ZC3H12B: variants seen among roughly 807,000 people sequenced by gnomAD.
The protein encoded by ZC3H12B is zinc finger CCCH-type containing 12B, also known as probable ribonuclease ZC3H12B.
Under a neutral mutation model 43.9 loss-of-function variants are expected in ZC3H12B, and 7 were observed. The ratio of observed to expected loss-of-function variants is 0.16; its 90% CI spans 0.09 to 0.30. The LOEUF (loss-of-function observed/expected upper bound fraction) is 0.30. ZC3H12B is among the 10% of genes least tolerant of loss of function. ZC3H12B has a pLI of 1.00. For missense variants in ZC3H12B, 475 were observed against 670.2 expected, an observed-to-expected ratio of 0.71 and a Z score of 3.22; for synonymous variants, 222 against 241.7, an observed-to-expected ratio of 0.92 and a Z score of 0.76.
chrX:65,112,210 CCTAA>C, the ZC3H12B span, among the ~76,000 whole-genome samples: 3 of 111,617 alleles, frequency 2.7e-5, no homozygotes, highest in African/African-American at 9.8e-5. Context: ...AGAGCAAGGC[CCTAA>C]CTGTCTTCAA....
At chrX:65,207,653 A>G in the ZC3H12B span, among the ~76,000 whole-genome samples, 24,086 of 103,399 alleles carry the variant, frequency 0.23, 7,523 homozygotes, top group African/African-American at 0.82. Context: ...TTGACTTGGC[A>G]ATGCGGGCTC....
At chrX:65,167,601 G>A in the ZC3H12B span, among the ~76,000 whole-genome samples, 2 of 111,660 alleles carry the variant, frequency 1.8e-5, no homozygotes, top group South Asian at 3.7e-4. Flanking sequence ...TAGCTTTATG[G>A]GGATTGCATT....
At chrX:65,186,210 G>T in the ZC3H12B span, 1 of 111,225 alleles carries the variant, frequency 9.0e-6, no homozygotes, top group African/African-American at 3.3e-5. Context: ...AAAGTAGCAG[G>T]TGCTGGGTGC....
chrX:65,163,280 A>G, the ZC3H12B span, among the ~76,000 whole-genome samples: 1 of 111,169 alleles, frequency 9.0e-6, no homozygotes, highest in East Asian at 2.9e-4. Flanking sequence ...GTGATGGGAG[A>G]ACCACTGCTG....
At chrX:65,261,038 C>T in the ZC3H12B span, among the ~76,000 whole-genome samples, 1 of 111,763 alleles carries the variant, frequency 8.9e-6, no homozygotes, top group Non-Finnish European at 1.9e-5. Context: ...CCTTTTCTTA[C>T]AAGAATGATT....
the ZC3H12B span, among the ~76,000 whole-genome samples, chrX:65,057,702 C>T: frequency 4.6e-3 from 517 of 111,910 alleles, 1 homozygote; most frequent in Middle Eastern, 0.023. Context: ...CTATTCTCCC[C>T]GTCACTTTCA....
At chrX:65,216,591 G>A in the ZC3H12B span, among the ~76,000 whole-genome samples, 2 of 111,553 alleles carry the variant, frequency 1.8e-5, no homozygotes, top group East Asian at 2.8e-4. Context: ...GGTCTCTGAG[G>A]CAGTGGGCTT....
the ZC3H12B span, among the ~76,000 whole-genome samples, chrX:65,285,438 AG>A: frequency 9.0e-6 from 1 of 110,851 alleles, no homozygotes; most frequent in Non-Finnish European, 1.9e-5. Context: ...CTAAAGTAAA[AG>A]TTTAAAAAGA....
At chrX:65,159,307 A>G in the ZC3H12B span, among the ~76,000 whole-genome samples, 59 of 111,913 alleles carry the variant, frequency 5.3e-4, no homozygotes, top group African/African-American at 1.8e-3. Flanking sequence ...CTGTGAAGAA[A>G]GTCATTGGTA....
chrX:65,346,727 A>T, the ZC3H12B span, among the ~76,000 whole-genome samples: 1 of 112,399 alleles, frequency 8.9e-6, no homozygotes, highest in African/African-American at 3.2e-5. Context: ...GCAGCTCAGC[A>T]AGGCTGCTGT....
intron 3 of ZC3H12B, among the ~76,000 whole-genome samples, chrX:65,461,456 T>C (rs902090688): frequency 4.5e-5 from 5 of 112,310 alleles, no homozygotes; most frequent in African/African-American, 1.3e-4. Context: ...CCAACCCAAA[T>C]GTCCAACAAT....
the ZC3H12B span, among the ~76,000 whole-genome samples, chrX:65,349,542 C>T: frequency 9.0e-5 from 10 of 110,890 alleles, no homozygotes; most frequent in South Asian, 1.5e-3. Flanking sequence ...GATAGAGGCA[C>T]GAAAAACCCT....
At chrX:65,068,061 G>A in the ZC3H12B span, among the ~76,000 whole-genome samples, 6 of 89,340 alleles carry the variant, frequency 6.7e-5, no homozygotes, top group African/African-American at 2.2e-4. Flanking sequence ...TCTTGTTATT[G>A]ATTTCTAGTT....
At chrX:65,358,632 C>G in the ZC3H12B span, among the ~76,000 whole-genome samples, 1 of 110,697 alleles carries the variant, frequency 9.0e-6, no homozygotes, top group African/African-American at 3.3e-5. Context: ...TCTTTGAAAC[C>G]AACGAGAACA....
the ZC3H12B span, among the ~76,000 whole-genome samples, chrX:65,046,802 C>T: frequency 1.8e-5 from 2 of 111,286 alleles, no homozygotes; most frequent in African/African-American, 6.5e-5. Flanking sequence ...GAGGGATGTG[C>T]TACTCTTCCT....
At chrX:65,229,322 G>T in the ZC3H12B span, among the ~76,000 whole-genome samples, 1 of 111,672 alleles carries the variant, frequency 9.0e-6, no homozygotes, top group African/African-American at 3.3e-5. Context: ...GGGAAAACTG[G>T]CTAGTCACAT....
chrX:65,188,471 G>T, the ZC3H12B span, among the ~76,000 whole-genome samples: 5 of 107,067 alleles, frequency 4.7e-5, no homozygotes, highest in Admixed American at 5.1e-4. Context: ...TATTGTTGCT[G>T]GTATTTGTTA....
chrX:65,244,667 C>G, the ZC3H12B span, among the ~76,000 whole-genome samples: 5 of 86,107 alleles, frequency 5.8e-5, no homozygotes, highest in East Asian at 1.5e-3. Context: ...GAAATTGAGG[C>G]TGCAGTGGAC....
At chrX:65,282,604 G>A in the ZC3H12B span, among the ~76,000 whole-genome samples, 1 of 110,995 alleles carries the variant, frequency 9.0e-6, no homozygotes, top group Non-Finnish European at 1.9e-5. Context: ...AAAGAGAGAA[G>A]AATCAAATAG....
Sources: gnomAD v4.1 joint callset for allele counts (sites outside exome capture counted in the v4.1 genomes callset) on GRCh38, gnomAD v4.1.1 for gene constraint, MANE v1.5 for transcripts, NCBI Gene and HGNC (gene_info 2026-07-23, HGNC 2026-07-21) for gene names.